The following GPAT4 variants were observed in gnomAD, a reference collection of about 807,000 sequenced individuals.
GPAT4 encodes the protein 1-AGP acyltransferase 6.
In GPAT4, 17 loss-of-function variants were observed where a neutral mutation model predicts 58.0. That is an observed-to-expected ratio of 0.29 (90% CI 0.20 to 0.44). The LOEUF (loss-of-function observed/expected upper bound fraction) is 0.44. Among genes scored for constraint, GPAT4 ranks in the 20% least tolerant of loss-of-function variants. The pLI, the probability that GPAT4 is intolerant of heterozygous loss-of-function variation, is 1.00. For synonymous variants in GPAT4, 204 were observed against 210.1 expected (o/e 0.97, Z 0.25); for missense variants, 377 against 574.5 (o/e 0.66, Z 3.51).
chr8:41,591,520 C>G (rs573641596), intron 1 of GPAT4, among the ~76,000 whole-genome samples: 2 of 152,292 alleles, frequency 1.3e-5, no homozygotes, highest in South Asian at 2.1e-4. Context: ...CAAGACAGAT[C>G]GATAGTGATT....
intron 2 of GPAT4, 51 bp downstream of exon 2, chr8:41,599,355 A>G (rs559700587): frequency 6.3e-7 from 1 of 1,588,098 alleles, no homozygotes; most frequent in East Asian, 2.2e-5. Flanking sequence ...GTAGAAGTGC[A>G]TTTAGCAAAA....
chr8:41,617,688 C>T (rs1803634800), intron 10 of GPAT4, among the ~76,000 whole-genome samples: 2 of 152,222 alleles, frequency 1.3e-5, no homozygotes, highest in Non-Finnish European at 2.9e-5. Context: ...TGGGCTCCTT[C>T]TCAGGCTTTC....
In GPAT4 at chr8:41,621,317, G is replaced by A. The variant is rs948167506; in HGVS notation, c.*316G>A. The A allele has an allele frequency of 1.2e-5, 4 of 323,836 alleles. No homozygotes were observed. Among genetic ancestry groups the A allele is most frequent in the African/African-American group, 4.2e-5 (2 of 47,440 alleles). 20.1% of individuals were successfully genotyped at this position (323,836 alleles called of 1,614,324 possible). The stretch of plus-strand genomic sequence containing the variant: ...CTTTGCACGCTGTGCGGGCTGAGTG[G>A]TTGGGGAGATGTGGCCATGGTCTTG... On this transcript the variant is annotated 3_prime_UTR_variant, in exon 13 of 13. Transcript: ENST00000396987.
At chr8:41,609,627 T>G in intron 3 of GPAT4, 28 bp from the exon 4 acceptor site, 6 of 1,607,680 alleles carry the variant, frequency 3.7e-6, no homozygotes, top group Non-Finnish European at 5.1e-6. Context: ...CCCAGCGTGC[T>G]GCTTGACAGG....
At chr8:41,613,389 A>G (rs903171019) in intron 8 of GPAT4, among the ~76,000 whole-genome samples, 1 of 152,094 alleles carries the variant, frequency 6.6e-6, no homozygotes, top group Admixed American at 6.5e-5. Context: ...CTGTCTTAAA[A>G]AAAAAAGTAT....
Position 41,614,949 on chromosome 8 carries a change from C to A in GPAT4, c.968-14C>A, listed in dbSNP as rs1402442780. ...GCCAACAGAAATAGCATTTTATTGT[C>A]TCCTGCATTTTAGGAACCTGCATCA... On this transcript the variant is annotated splice_polypyrimidine_tract_variant and intron_variant, in intron 9 of 12. Coordinates refer to ENST00000396987, the MANE Select transcript of GPAT4 (RefSeq NM_178819.4). The A allele has an allele frequency of 1.2e-6, 2 of 1,609,742 alleles. No homozygotes were observed. Among genetic ancestry groups the A allele is most frequent in the South Asian group, 2.2e-5 (2 of 90,948 alleles).
At chr8:41,614,803 T>C (rs749353885) in intron 9 of GPAT4, among the ~76,000 whole-genome samples, 160 bp from the exon 10 acceptor site, 21 of 152,178 alleles carry the variant, frequency 1.4e-4, no homozygotes, top group Non-Finnish European at 2.4e-4. Context: ...CTTGCCTGTC[T>C]CTGTTAAGTG....
rs373765855 is a variant in GPAT4 at position 41,614,460 on chromosome 8, C to T, written c.967+19C>T. On this transcript the variant is annotated intron_variant, in intron 9 of 12. Transcript: ENST00000396987. ...CCAGAAGGTAAGAAGGGGTTGGTTGCCACGAAGGGCTTCTGTGGGGAGTGC... is the reference window on the plus strand; with the variant it reads ...CCAGAAGGTAAGAAGGGGTTGGTTGTCACGAAGGGCTTCTGTGGGGAGTGC... 3 of 1,613,198 alleles carry T rather than the reference C, an allele frequency of 1.9e-6. No homozygotes were observed. The highest frequency in any genetic ancestry group is 2.5e-6 in the Non-Finnish European group (3 of 1,179,302).
At chr8:41,613,007 A>G (rs1433678525) in intron 8 of GPAT4, 47 bp downstream of exon 8, 2 of 1,550,656 alleles carry the variant, frequency 1.3e-6, no homozygotes, top group Non-Finnish European at 8.9e-7. Flanking sequence ...TAGAATGCTG[A>G]AAAGGTTTCA....
chr8:41,592,168 T>C (rs1309511265), intron 1 of GPAT4, among the ~76,000 whole-genome samples: 1 of 152,212 alleles, frequency 6.6e-6, no homozygotes, highest in Non-Finnish European at 1.5e-5. Flanking sequence ...TTACCTGTTT[T>C]TATGGGCAGT....
intron 1 of GPAT4, among the ~76,000 whole-genome samples, chr8:41,589,493 A>G (rs1357779179): frequency 2.6e-5 from 4 of 152,160 alleles, no homozygotes; most frequent in Non-Finnish European, 5.9e-5. Context: ...TAGGGTCTGT[A>G]TCTGTAAGGG....
At chr8:41,600,741 A>C (rs972162434) in intron 2 of GPAT4, among the ~76,000 whole-genome samples, 1 of 152,182 alleles carries the variant, frequency 6.6e-6, no homozygotes, top group African/African-American at 2.4e-5. Context: ...CCCCACACTC[A>C]TTAAGCATTC....
In GPAT4 at chr8:41,585,285, C is replaced by T. The variant is rs151302208; in HGVS notation, c.-849+7007C>T. On this transcript the variant is annotated intron_variant, in intron 1 of 12. Transcript: ENST00000396987. ...GGATGCTTTTTTCTGAATTGTAATC[C>T]ACCCTAAAGCAAGTGAGGAGTCAGC... Among the ~76,000 whole-genome samples the T allele has an allele frequency of 2.9e-4, 44 of 152,222 alleles. 1 individual carries two copies. In the East Asian group the frequency reaches 7.9e-3, roughly 27 times the overall value.
intron 1 of GPAT4, among the ~76,000 whole-genome samples, chr8:41,594,164 A>C (rs1802861547): frequency 6.6e-6 from 1 of 152,086 alleles, no homozygotes; most frequent in African/African-American, 2.4e-5. Context: ...TTTAAGAAAA[A>C]CCCATTGTGT....
chr8:41,588,679 G>A (rs1284025035), intron 1 of GPAT4, among the ~76,000 whole-genome samples: 1 of 152,144 alleles, frequency 6.6e-6, no homozygotes, highest in Admixed American at 6.5e-5. Flanking sequence ...CTGATGTACT[G>A]TCTGGCACAC....
At chr8:41,614,917 G>A (rs1803551511) in intron 9 of GPAT4, 46 bp from the exon 10 acceptor site, 2 of 1,525,704 alleles carry the variant, frequency 1.3e-6, no homozygotes, top group East Asian at 2.3e-5. Flanking sequence ...AATATCTGGG[G>A]TAAAGGGCCA....
At chr8:41,596,448 C>G (rs1802935860) in intron 1 of GPAT4, among the ~76,000 whole-genome samples, 1 of 152,226 alleles carries the variant, frequency 6.6e-6, no homozygotes, top group Non-Finnish European at 1.5e-5. Context: ...TGTGGGTGAT[C>G]AGGCCACGCT....
intron 12 of GPAT4, among the ~76,000 whole-genome samples, chr8:41,620,274 G>A (rs1053714980): frequency 2.0e-5 from 3 of 152,078 alleles, no homozygotes; most frequent in East Asian, 3.9e-4. Context: ...GGACTGTAAT[G>A]AAACAATCCC....
intron 2 of GPAT4, among the ~76,000 whole-genome samples, chr8:41,607,317 A>G (rs893211596): frequency 6.6e-5 from 10 of 152,168 alleles, no homozygotes; most frequent in Non-Finnish European, 1.5e-4. Flanking sequence ...CAGGAGGCCA[A>G]AGGGATGTTT....
Sources: allele counts gnomAD v4.1 joint callset (sites outside exome capture counted in the v4.1 genomes callset), GRCh38; gene constraint gnomAD v4.1.1; transcripts MANE v1.5; gene names NCBI Gene and HGNC (gene_info 2026-07-23, HGNC 2026-07-21).